CNGA1: variants seen among roughly 807,000 people sequenced by gnomAD.
CNGA1 encodes cyclic nucleotide-gated channel alpha-1.
Under a neutral mutation model 69.7 loss-of-function variants are expected in CNGA1, and 53 were observed. The observed-to-expected ratio is 0.76, with a 90% CI of 0.61 to 0.96. The LOEUF (loss-of-function observed/expected upper bound fraction) is 0.96, where lower values mean the gene tolerates loss of function less well. CNGA1 is among the 40% of genes least tolerant of loss of function. The probability of loss-of-function intolerance (pLI) is 0.00; values close to 1 mark genes in which losing one functional copy is unlikely to be tolerated. For missense variants in CNGA1, 739 were observed against 811.2 expected (o/e 0.91, Z 1.08); for synonymous variants, 249 against 283.5 (o/e 0.88, Z 1.22).
At chr4:47,983,184 A>C (rs906288810) in intron 2 of CNGA1, among the ~76,000 whole-genome samples, 4 of 152,252 alleles carry the variant, frequency 2.6e-5, no homozygotes, top group African/African-American at 9.6e-5. Context: ...GATCTAAAAA[A>C]GTGTATTAAC....
At chr4:47,983,242 T>C (rs1471021921) in intron 2 of CNGA1, among the ~76,000 whole-genome samples, 1 of 147,954 alleles carries the variant, frequency 6.8e-6, no homozygotes, top group Non-Finnish European at 1.5e-5. Context: ...AAAATGTTAT[T>C]GTGTCCATCC....
At chr4:47,995,000 T>C (rs1465837279) in intron 2 of CNGA1, among the ~76,000 whole-genome samples, 3 of 152,170 alleles carry the variant, frequency 2.0e-5, no homozygotes, top group African/African-American at 7.2e-5. Flanking sequence ...AGGCTGAAGA[T>C]AGATAGAATC....
At position 48,005,126 on chromosome 4, in the gene CNGA1, T is replaced by TATG. The variant is rs1560314949; in HGVS notation, c.-123+5667_-123+5668insCAT. Among the ~76,000 whole-genome samples the TATG allele has an allele frequency of 4.2e-3, 633 of 151,536 alleles. 6 individuals are homozygous for TATG. The highest frequency in any genetic ancestry group is 0.015 in the African/African-American group (626 of 41,266). ...TTTTATTATTTATTTATTTATTTAT[T>TATG]TATTTATTTGAGATGGAGTCTTGCT... On this transcript the variant is annotated intron_variant, in intron 2 of 10. Transcript: ENST00000514170.
At chr4:47,949,233 C>T (rs1739602319) in intron 6 of CNGA1, among the ~76,000 whole-genome samples, 1 of 152,204 alleles carries the variant, frequency 6.6e-6, no homozygotes, top group African/African-American at 2.4e-5. Flanking sequence ...AACCACCATG[C>T]TCCATCCAGA....
chr4:47,996,355 T>C (rs1268568265), intron 2 of CNGA1, among the ~76,000 whole-genome samples: 1 of 152,132 alleles, frequency 6.6e-6, no homozygotes, highest in African/African-American at 2.4e-5. Context: ...TGGTTTAGAT[T>C]TTGCATCCTG....
At chr4:47,985,862 C>T (rs1741955564) in intron 2 of CNGA1, among the ~76,000 whole-genome samples, 1 of 151,872 alleles carries the variant, frequency 6.6e-6, no homozygotes, top group Non-Finnish European at 1.5e-5. Flanking sequence ...TTAGCTTTTT[C>T]AAGGTTCAAT....
At chr4:48,000,105 A>T (rs1249622752) in intron 2 of CNGA1, among the ~76,000 whole-genome samples, 1 of 152,180 alleles carries the variant, frequency 6.6e-6, no homozygotes, top group African/African-American at 2.4e-5. Flanking sequence ...AAGACATAGC[A>T]ATTGAAGCTG....
Sources: allele counts gnomAD v4.1 joint callset (sites outside exome capture counted in the v4.1 genomes callset), GRCh38; gene constraint gnomAD v4.1.1; transcripts MANE v1.5; gene names NCBI Gene and HGNC (gene_info 2026-07-23, HGNC 2026-07-21).